TSC22D1: variants seen among roughly 807,000 people sequenced by gnomAD.
TSC22D1 encodes TSC22 domain family member 1, also known as TSC22 domain family protein 1.
Under a neutral mutation model 74.2 loss-of-function variants are expected in TSC22D1, and 9 were observed. That is an observed-to-expected ratio of 0.12 (90% CI 0.07 to 0.21). TSC22D1 has a LOEUF of 0.21. Ranked by LOEUF, TSC22D1 falls within the 10% of genes least tolerant of loss-of-function variation. TSC22D1 has a pLI of 1.00. For missense variants in TSC22D1, 1,427 were observed against 1,304.7 expected, an observed-to-expected ratio of 1.09 and a Z score of -1.44; for synonymous variants, 586 against 492.5, an observed-to-expected ratio of 1.19 and a Z score of -2.51.
chr13:44,554,054 C>T (rs1566171492), intron 1 of TSC22D1, among the ~76,000 whole-genome samples: 2 of 152,174 alleles, frequency 1.3e-5, no homozygotes, highest in Non-Finnish European at 2.9e-5. Context: ...TCCATTTTAA[C>T]TTACAGTGCT....
intron 1 of TSC22D1, chr13:44,474,263 T>TGGGA: frequency 1.0e-6 from 1 of 985,384 alleles, no homozygotes; most frequent in Non-Finnish European, 1.2e-6. Context: ...CGCTACAGAC[T>TGGGA]ATGGTGGCTT....
chr13:44,490,124 C>T (rs903693560), intron 1 of TSC22D1, among the ~76,000 whole-genome samples: 1 of 152,146 alleles, frequency 6.6e-6, no homozygotes, highest in Non-Finnish European at 1.5e-5. Flanking sequence ...ATGTGGCATA[C>T]TTGTACAAAT....
intron 1 of TSC22D1, among the ~76,000 whole-genome samples, chr13:44,565,122 A>G (rs1165225680): frequency 6.6e-6 from 1 of 152,210 alleles, no homozygotes; most frequent in Non-Finnish European, 1.5e-5. Context: ...TCTAAGGCTA[A>G]GAAGAGAAGT....
At chr13:44,551,988 G>A (rs1176980403) in intron 1 of TSC22D1, among the ~76,000 whole-genome samples, 1 of 152,118 alleles carries the variant, frequency 6.6e-6, no homozygotes, top group African/African-American at 2.4e-5. Context: ...CACCATTTAC[G>A]AACGACCAAG....
chr13:44,448,892 C>T (rs1331893300), intron 1 of TSC22D1, among the ~76,000 whole-genome samples: 2 of 150,082 alleles, frequency 1.3e-5, no homozygotes, highest in African/African-American at 2.5e-5. Context: ...ATTCTAGATC[C>T]GTGTGTGTGT....
At chr13:44,481,871 T>A (rs1432467353) in intron 1 of TSC22D1, among the ~76,000 whole-genome samples, 1 of 152,200 alleles carries the variant, frequency 6.6e-6, no homozygotes, top group Non-Finnish European at 1.5e-5. Context: ...TATTCCTCCT[T>A]TGAATTAAAA....
At chr13:44,517,849 ATATATATATTTT>A (rs1880111005) in intron 1 of TSC22D1, among the ~76,000 whole-genome samples, 1 of 22,770 alleles carries the variant, frequency 4.4e-5, no homozygotes, top group African/African-American at 9.2e-5. Flanking sequence ...ATATATATAT[ATATATATATTTT>A]TTTTTTTTTT....
At chr13:44,504,601 CAAAAAAA>C (rs10577341) in intron 1 of TSC22D1, among the ~76,000 whole-genome samples, 1 of 97,554 alleles carries the variant, frequency 1.0e-5, no homozygotes, top group Non-Finnish European at 2.0e-5. Context: ...GAGACTGTCT[CAAAAAAA>C]AAAAAAAAAA....
intron 1 of TSC22D1, among the ~76,000 whole-genome samples, chr13:44,446,511 G>C (rs1875654886): frequency 6.6e-6 from 1 of 152,126 alleles, no homozygotes; most frequent in South Asian, 2.1e-4. Flanking sequence ...GGGAGCCAGG[G>C]CTGAAAGGCT....
chr13:44,493,247 A>G (rs1188901700), intron 1 of TSC22D1, among the ~76,000 whole-genome samples: 1 of 152,158 alleles, frequency 6.6e-6, no homozygotes, highest in East Asian at 1.9e-4. Flanking sequence ...AATCTTGACA[A>G]TGGCAGCCCA....
At chr13:44,449,651 C>A (rs1322825085) in intron 1 of TSC22D1, among the ~76,000 whole-genome samples, 1 of 151,900 alleles carries the variant, frequency 6.6e-6, no homozygotes, top group Non-Finnish European at 1.5e-5. Context: ...ATTCTCCTAT[C>A]CATGATTAAA....
At chr13:44,514,184 T>G (rs1410225825) in intron 1 of TSC22D1, among the ~76,000 whole-genome samples, 1 of 152,130 alleles carries the variant, frequency 6.6e-6, no homozygotes, top group Admixed American at 6.5e-5. Context: ...AGAAGCCATC[T>G]GCAAAAAAAT....
At chr13:44,525,441 T>C (rs1880502547) in intron 1 of TSC22D1, among the ~76,000 whole-genome samples, 1 of 151,872 alleles carries the variant, frequency 6.6e-6, no homozygotes. Context: ...AAAGATAAAT[T>C]AGCCAAGCAT....
At chr13:44,556,345 G>A (rs1882637781) in intron 1 of TSC22D1, among the ~76,000 whole-genome samples, 1 of 151,716 alleles carries the variant, frequency 6.6e-6, no homozygotes, top group Admixed American at 6.6e-5. Context: ...AGGAGTTCAA[G>A]ACCAGCCTGA....
At chr13:44,531,021 ACTATT>A (rs922999282) in intron 1 of TSC22D1, among the ~76,000 whole-genome samples, 12 of 152,198 alleles carry the variant, frequency 7.9e-5, no homozygotes, top group African/African-American at 2.7e-4. Flanking sequence ...TCTAGGTCAA[ACTATT>A]CTGTATGATA....
chr13:44,574,551 TTGC>T lies in TSC22D1; in HGVS notation c.1521_1523del (p.Gln509del). 6.2e-7 allele frequency: 1 copy of T among 1,613,894 alleles called. No homozygotes were observed. ...GGGTCACACCTTGGAGAGCTGGTTG[TTGC>T]TGTTGTTGTTGTTGTTGCTGCTGCT... On this transcript the variant is annotated inframe_deletion, in exon 1 of 3. Coordinates refer to ENST00000458659, the MANE Select transcript of TSC22D1 (RefSeq NM_183422.4).
At chr13:44,538,884 G>A (rs1881303028) in intron 1 of TSC22D1, 1 of 985,220 alleles carries the variant, frequency 1.0e-6, no homozygotes, top group Non-Finnish European at 1.2e-6. Flanking sequence ...CCAGTTGAAA[G>A]AAATCTGGGC....
intron 1 of TSC22D1, chr13:44,538,675 C>T (rs1881293083): frequency 1.0e-6 from 1 of 985,116 alleles, no homozygotes; most frequent in Non-Finnish European, 1.2e-6. Context: ...ATTTTCAGAC[C>T]AAAAGTAAAC....
intron 1 of TSC22D1, chr13:44,452,848 G>T (rs1595088024): frequency 6.6e-6 from 1 of 152,308 alleles, no homozygotes; most frequent in East Asian, 1.9e-4. Flanking sequence ...GGCTAAAACC[G>T]AACAGAGTGC....
Sources: allele counts gnomAD v4.1 joint callset (sites outside exome capture counted in the v4.1 genomes callset), GRCh38; gene constraint gnomAD v4.1.1; transcripts MANE v1.5; gene names NCBI Gene and HGNC (gene_info 2026-07-23, HGNC 2026-07-21).